RAP1GAP2: variants seen among roughly 807,000 people sequenced by gnomAD.
RAP1GAP2 encodes rap1 GTPase-activating protein 2.
In RAP1GAP2, 27 loss-of-function variants were observed where a neutral mutation model predicts 95.0. That is an observed-to-expected ratio of 0.28 (90% CI 0.21 to 0.39). The LOEUF is 0.39. Among genes scored for constraint, RAP1GAP2 ranks in the 10% least tolerant of loss-of-function variants. The pLI, the probability that RAP1GAP2 is intolerant of heterozygous loss-of-function variation, is 1.00. For missense variants in RAP1GAP2, 771 were observed against 970.0 expected (o/e 0.79, Z 2.72); for synonymous variants, 373 against 380.9 (o/e 0.98, Z 0.24).
At chr17:2,949,085 G>T (rs1235502223) in intron 3 of RAP1GAP2, among the ~76,000 whole-genome samples, 1 of 152,220 alleles carries the variant, frequency 6.6e-6, no homozygotes, top group Non-Finnish European at 1.5e-5. Flanking sequence ...TCTGTATCGG[G>T]AGGTGGTGGG....
At chr17:2,852,428 C>T (rs929873549) in intron 2 of RAP1GAP2, among the ~76,000 whole-genome samples, 1 of 152,084 alleles carries the variant, frequency 6.6e-6, no homozygotes, top group Non-Finnish European at 1.5e-5. Context: ...GGCTTCCTCC[C>T]CTCCACCCCA....
intron 14 of RAP1GAP2, 144 bp downstream of exon 14, chr17:2,998,520 G>C: frequency 9.6e-7 from 1 of 1,046,966 alleles, no homozygotes; most frequent in Non-Finnish European, 1.3e-6. Flanking sequence ...GCTAGATTCT[G>C]GGTAGGGAGG....
chr17:2,963,460 G>A lies in RAP1GAP2; in HGVS notation c.277G>A (p.Glu93Lys), dbSNP rs775727034. 9 of 1,613,718 alleles carry A rather than the reference G, an allele frequency of 5.6e-6. No homozygotes were observed. Among genetic ancestry groups the A allele is most frequent in the Admixed American group, 1.7e-5 (1 of 59,990 alleles). Residue 93 changes from glutamate (E) to lysine (K), a missense_variant and splice_region_variant, in exon 6 of 25, where the codon GAG (glutamate) becomes AAG (lysine). Transcript: ENST00000254695. The surrounding 1 kb of genome is among the most constrained non-coding windows in gnomAD (Gnocchi z 4.8). ...DDYIPYPSID[E>K]VVEKGGPYPQ... Reference sequence around the variant, plus strand: ...CTATATCCCATACCCCAGCATCGACGAGGTAGGTGCCCTCCCCTCACTCCC... The same window carrying A: ...CTATATCCCATACCCCAGCATCGACAAGGTAGGTGCCCTCCCCTCACTCCC...
chr17:2,881,885 A>G (rs961473779), intron 2 of RAP1GAP2, among the ~76,000 whole-genome samples: 6 of 151,942 alleles, frequency 3.9e-5, no homozygotes, highest in Non-Finnish European at 7.4e-5. Context: ...CAGTGGCGCA[A>G]TCTCGGCTCA....
At position 2,955,673 on chromosome 17, in the gene RAP1GAP2, C is replaced by T. The variant is rs371837701; in HGVS notation, c.166-2086C>T. Among the ~76,000 whole-genome samples, 16 of 152,120 alleles carry T rather than the reference C, an allele frequency of 1.1e-4. No homozygotes were observed. In the South Asian group the frequency reaches 2.1e-3, roughly 20 times the overall value. On this transcript the variant is annotated intron_variant, in intron 3 of 24. Transcript: ENST00000254695. ...AGCCACCTGGGTCTGGGCTTTCCTT[C>T]GTGCGTCGTTTTTTTGATCATTAAT...
intron 1 of RAP1GAP2, among the ~76,000 whole-genome samples, chr17:2,799,411 A>G (rs1232735975): frequency 6.6e-6 from 1 of 151,906 alleles, no homozygotes; most frequent in Non-Finnish European, 1.5e-5. Context: ...GAGTGAAAGG[A>G]CCCCGTCCCC....
chr17:2,783,150 C>G (rs1272233011), intron 1 of RAP1GAP2, among the ~76,000 whole-genome samples: 1 of 152,100 alleles, frequency 6.6e-6, no homozygotes, highest in Admixed American at 6.5e-5. Context: ...GAACCCAGAC[C>G]CGTTCTTCTG....
intron 2 of RAP1GAP2, among the ~76,000 whole-genome samples, chr17:2,881,902 CCT>C (rs911666036): frequency 1.3e-5 from 2 of 152,090 alleles, no homozygotes; most frequent in African/African-American, 4.8e-5. Context: ...CTCACTGCAA[CCT>C]CTGTCTCCCG....
chr17:3,013,834 C>T (rs1216435034), intron 17 of RAP1GAP2, among the ~76,000 whole-genome samples: 1 of 151,790 alleles, frequency 6.6e-6, no homozygotes, highest in Non-Finnish European at 1.5e-5. Context: ...AATAATTTAC[C>T]CTTCAGAACT....
chr17:2,982,532 C>T (rs948608265), intron 10 of RAP1GAP2, among the ~76,000 whole-genome samples: 1 of 152,126 alleles, frequency 6.6e-6, no homozygotes, highest in Admixed American at 6.5e-5. Context: ...GGAGTCCTTT[C>T]CTGCACAGAG....
At chr17:2,758,147 G>A (rs1406868573) in intron 1 of RAP1GAP2, among the ~76,000 whole-genome samples, 3 of 150,196 alleles carry the variant, frequency 2.0e-5, no homozygotes, top group Non-Finnish European at 4.4e-5. Context: ...GGGATTACAG[G>A]CGTGAGCCAC....
chr17:2,840,626 G>C (rs990826404), intron 2 of RAP1GAP2, among the ~76,000 whole-genome samples: 4 of 152,172 alleles, frequency 2.6e-5, no homozygotes, highest in African/African-American at 9.7e-5. Context: ...TGGGACTACA[G>C]GCATGAGCCA....
chr17:2,779,633 C>T (rs574661709), intron 1 of RAP1GAP2, among the ~76,000 whole-genome samples: 2 of 142,972 alleles, frequency 1.4e-5, no homozygotes, highest in African/African-American at 5.0e-5. Flanking sequence ...ACACAGAGGC[C>T]AGCACTGGGC....
chr17:2,914,772 G>A (rs1483173144), intron 3 of RAP1GAP2, among the ~76,000 whole-genome samples: 4 of 147,694 alleles, frequency 2.7e-5, no homozygotes, highest in South Asian at 2.1e-4. Flanking sequence ...TTACAGGTGC[G>A]AGCCACTGTG....
chr17:2,827,922 G>T lies in RAP1GAP2; in HGVS notation c.80+27372G>T, dbSNP rs2070649100. ...AGGGGGAGCGTGGCAGAGGCTCTCA[G>T]GCTGGAGGCCAGCTACTGCTCCGGC... On this transcript the variant is annotated intron_variant, in intron 2 of 24. Coordinates refer to ENST00000254695, the MANE Select transcript of RAP1GAP2 (RefSeq NM_015085.5). This position sits in a 1 kb window ranked among gnomAD's most constrained non-coding sequence, Gnocchi z 4.1. Among the ~76,000 whole-genome samples the T allele has an allele frequency of 6.6e-6, 1 of 152,224 alleles. No homozygotes were observed.
At chr17:2,976,422 A>C (rs2045124048) in intron 8 of RAP1GAP2, among the ~76,000 whole-genome samples, 1 of 152,354 alleles carries the variant, frequency 6.6e-6, no homozygotes, top group South Asian at 2.1e-4. Flanking sequence ...AAAAAATCTC[A>C]TATTTGGAAA....
intron 9 of RAP1GAP2, 137 bp from the exon 10 acceptor site, chr17:2,981,058 C>T: frequency 1.4e-6 from 1 of 697,500 alleles, no homozygotes; most frequent in Non-Finnish European, 2.4e-6. Context: ...TGTTAGTGAG[C>T]AGCAGTCAGA....
chr17:2,896,275 A>G (rs575458205), intron 2 of RAP1GAP2, among the ~76,000 whole-genome samples: 1 of 152,282 alleles, frequency 6.6e-6, no homozygotes, highest in South Asian at 2.1e-4. Flanking sequence ...TGAATCACAC[A>G]GACGTCGCCT....
chr17:3,012,161 G>A (rs2046569967), intron 17 of RAP1GAP2, among the ~76,000 whole-genome samples: 1 of 152,150 alleles, frequency 6.6e-6, no homozygotes, highest in Non-Finnish European at 1.5e-5. Flanking sequence ...TGTAATGGAA[G>A]CGTTTCTCCC....
Sources: gnomAD v4.1 joint callset for allele counts (sites outside exome capture counted in the v4.1 genomes callset) on GRCh38, gnomAD v4.1.1 for gene constraint, Gnocchi (gnomAD v3.1) non-coding constraint, MANE v1.5 for transcripts, NCBI Gene and HGNC (gene_info 2026-07-23, HGNC 2026-07-21) for gene names.